PLPP3: variants seen among roughly 807,000 people sequenced by gnomAD.
The protein encoded by PLPP3 is phospholipid phosphatase 3, also known as PAP2 beta.
In PLPP3, 6 loss-of-function variants were observed where a neutral mutation model predicts 29.6. The ratio of observed to expected loss-of-function variants is 0.20; its 90% CI spans 0.11 to 0.40. The LOEUF (loss-of-function observed/expected upper bound fraction) is 0.40. Ranked by LOEUF, PLPP3 falls within the 10% of genes least tolerant of loss-of-function variation. The pLI, the probability that PLPP3 is intolerant of heterozygous loss-of-function variation, is 1.00. For synonymous variants in PLPP3, 152 were observed against 159.7 expected (o/e 0.95, Z 0.36); for missense variants, 308 against 407.7 (o/e 0.76, Z 2.11).
At chr1:56,523,796 T>A in intron 4 of PLPP3, 27 bp downstream of exon 4, 1 of 1,603,572 alleles carries the variant, frequency 6.2e-7, no homozygotes, top group Non-Finnish European at 8.5e-7. Flanking sequence ...AACTGAGCAC[T>A]GCTCAAATCA....
chr1:56,506,728 T>C (rs7515808), intron 5 of PLPP3, among the ~76,000 whole-genome samples: 91,276 of 152,068 alleles, frequency 0.6, 32,044 homozygotes, highest in Non-Finnish European at 0.77. Flanking sequence ...AACTGTAAAG[T>C]TCACATCTTT....
intron 1 of PLPP3, among the ~76,000 whole-genome samples, chr1:56,563,624 T>C (rs1646144339): frequency 6.6e-6 from 1 of 152,230 alleles, no homozygotes; most frequent in Admixed American, 6.5e-5. Flanking sequence ...TCAAAGCAGA[T>C]TCTAGCAGAG....
intron 4 of PLPP3, among the ~76,000 whole-genome samples, chr1:56,517,616 C>T (rs61772594): frequency 0.18 from 28,032 of 152,228 alleles, 2,867 homozygotes; most frequent in Middle Eastern, 0.26. Context: ...ATATGATGTA[C>T]ATTGAGTATA....
chr1:56,554,069 C>CT (rs143655265), intron 1 of PLPP3, among the ~76,000 whole-genome samples: 21,480 of 150,028 alleles, frequency 0.14, 2,749 homozygotes, highest in East Asian at 0.57. Context: ...CCCACTTTGG[C>CT]TTTTTTTTTA....
intron 5 of PLPP3, among the ~76,000 whole-genome samples, chr1:56,504,598 C>T (rs1477415064): frequency 6.6e-6 from 1 of 152,122 alleles, no homozygotes; most frequent in Non-Finnish European, 1.5e-5. Flanking sequence ...CCATTATCCC[C>T]CAAGTTTTGT....
intron 2 of PLPP3, among the ~76,000 whole-genome samples, chr1:56,528,564 A>T (rs1291620807): frequency 2.0e-5 from 3 of 152,082 alleles, no homozygotes; most frequent in Non-Finnish European, 1.5e-5. Context: ...GGTTAATAAT[A>T]TCTATGTGGC....
intron 1 of PLPP3, among the ~76,000 whole-genome samples, chr1:56,578,570 C>A (rs1041716619): frequency 1.3e-5 from 2 of 152,198 alleles, no homozygotes; most frequent in African/African-American, 2.4e-5. Context: ...AAGGACGAAC[C>A]CACACCTTCC....
chr1:56,570,392 A>G (rs1569612612), intron 1 of PLPP3, among the ~76,000 whole-genome samples: 1 of 152,332 alleles, frequency 6.6e-6, no homozygotes, highest in Middle Eastern at 3.4e-3. Context: ...TAATTTTGTT[A>G]ATTTGTGACA....
intron 1 of PLPP3, among the ~76,000 whole-genome samples, chr1:56,562,089 A>C (rs1646133893): frequency 6.6e-6 from 1 of 151,186 alleles, no homozygotes; most frequent in South Asian, 2.1e-4. Flanking sequence ...GCACATACCA[A>C]GCAAAGAGAA....
chr1:56,559,845 T>A (rs532571244), intron 1 of PLPP3, among the ~76,000 whole-genome samples: 1 of 152,316 alleles, frequency 6.6e-6, no homozygotes, highest in Admixed American at 6.5e-5. Flanking sequence ...GGAAGAACTT[T>A]TGATGCTTGT....
chr1:56,500,596 A>C (rs541462156), intron 5 of PLPP3, among the ~76,000 whole-genome samples: 101 of 152,364 alleles, frequency 6.6e-4, no homozygotes, highest in Admixed American at 1.3e-3. Context: ...GGAGAGGACT[A>C]GATATTGAAA....
At chr1:56,520,050 G>A (rs1397658351) in intron 4 of PLPP3, among the ~76,000 whole-genome samples, 2 of 152,116 alleles carry the variant, frequency 1.3e-5, no homozygotes, top group Non-Finnish European at 2.9e-5. Flanking sequence ...AGCACTTAGG[G>A]CAGTTCAAAC....
At chr1:56,539,085 G>A (rs1193165928) in intron 1 of PLPP3, among the ~76,000 whole-genome samples, 2 of 151,844 alleles carry the variant, frequency 1.3e-5, no homozygotes, top group Admixed American at 1.3e-4. Flanking sequence ...TCAAGTGGAG[G>A]GAACAGAGAC....
intron 4 of PLPP3, among the ~76,000 whole-genome samples, chr1:56,515,823 C>A (rs1396911066): frequency 6.6e-6 from 1 of 152,144 alleles, no homozygotes; most frequent in Non-Finnish European, 1.5e-5. Flanking sequence ...CTGGCTCTGT[C>A]ACTTACTAAG....
intron 4 of PLPP3, among the ~76,000 whole-genome samples, chr1:56,517,242 T>A (rs1408906898): frequency 6.6e-6 from 1 of 152,212 alleles, no homozygotes; most frequent in Non-Finnish European, 1.5e-5. Flanking sequence ...TGAGAAACTT[T>A]CTCCCTTCTC....
chr1:56,577,135 G>A (rs1422180586), intron 1 of PLPP3, among the ~76,000 whole-genome samples: 2 of 152,138 alleles, frequency 1.3e-5, no homozygotes, highest in Admixed American at 6.5e-5. Flanking sequence ...AGTAAACACA[G>A]GGAGTTCCAG....
intron 1 of PLPP3, among the ~76,000 whole-genome samples, chr1:56,566,886 T>A (rs967235981): frequency 9.2e-5 from 14 of 152,190 alleles, no homozygotes; most frequent in African/African-American, 3.1e-4. Flanking sequence ...ACATGGTAAT[T>A]TTAGTTCCTA....
chr1:56,550,199 G>T (rs1021380916), intron 1 of PLPP3, among the ~76,000 whole-genome samples: 7 of 152,182 alleles, frequency 4.6e-5, no homozygotes, highest in Non-Finnish European at 7.4e-5. Flanking sequence ...ATCCTCAGTT[G>T]CTCCTGCAGC....
intron 1 of PLPP3, among the ~76,000 whole-genome samples, chr1:56,553,257 CT>C (rs1646052431): frequency 6.6e-6 from 1 of 152,126 alleles, no homozygotes; most frequent in African/African-American, 2.4e-5. Flanking sequence ...CTCCACAGTC[CT>C]GGATATCCCA....
Sources: allele counts gnomAD v4.1 joint callset (sites outside exome capture counted in the v4.1 genomes callset), GRCh38; gene constraint gnomAD v4.1.1; transcripts MANE v1.5; gene names NCBI Gene and HGNC (gene_info 2026-07-23, HGNC 2026-07-21).